The following WDR3 variants were observed in gnomAD, a reference collection of about 807,000 sequenced individuals.
WDR3 encodes the protein WD repeat domain 3, also known as WD repeat-containing protein 3.
In WDR3, 81 loss-of-function variants were observed where a neutral mutation model predicts 123.7. The ratio of observed to expected loss-of-function variants is 0.65; its 90% CI spans 0.55 to 0.79. The LOEUF is 0.79. Ranked by LOEUF, WDR3 falls within the 30% of genes least tolerant of loss-of-function variation. The probability of loss-of-function intolerance (pLI) is 0.00; values close to 1 mark genes in which losing one functional copy is unlikely to be tolerated. For synonymous variants in WDR3, 390 were observed against 388.8 expected (o/e 1.00, Z -0.04); for missense variants, 1,027 against 1,123.2 (o/e 0.91, Z 1.22).
Position 117,959,546 on chromosome 1 carries a change from A to C in WDR3, c.*99A>C. On this transcript the variant is annotated 3_prime_UTR_variant, in exon 27 of 27. Coordinates refer to ENST00000349139, the MANE Select transcript of WDR3 (RefSeq NM_006784.3). ...GGCGTCATCTTAAAAATACCAAATAACAGAAGATCGCATTGCAGATGATAT... is the reference window on the plus strand; with the variant it reads ...GGCGTCATCTTAAAAATACCAAATACCAGAAGATCGCATTGCAGATGATAT... 1.6e-6 allele frequency: 2 copies of C among 1,274,870 alleles called. No homozygotes were observed. The highest frequency in any genetic ancestry group is 2.1e-6 in the Non-Finnish European group (2 of 956,930). 79.0% of individuals were successfully genotyped at this position (1,274,870 alleles called of 1,614,324 possible).
chr1:117,958,767 C>CTTTT (rs3215666), intron 25 of WDR3, 143 bp from the exon 26 acceptor site: 4 of 361,006 alleles, frequency 1.1e-5, no homozygotes, highest in Non-Finnish European at 1.4e-5. Flanking sequence ...ACTTCTTTGG[C>CTTTT]TTTTTTTTTT....
In WDR3 at chr1:117,961,266, A is replaced by C. The variant is rs1653060512; in HGVS notation, c.*1819A>C. ...CCACCAGCATTCCAGCCTGGGCAAC[A>C]CAGTGAGACTCCATCTCCAAAATAA... On this transcript the variant is annotated 3_prime_UTR_variant, in exon 27 of 27. Transcript: ENST00000349139. 1 of 152,210 alleles carries C rather than the reference A, an allele frequency of 6.6e-6. No homozygotes were observed. The highest frequency in any genetic ancestry group is 2.4e-5 in the African/African-American group (1 of 41,450). 9.4% of individuals were successfully genotyped at this position (152,210 alleles called of 1,614,324 possible).
At chr1:117,953,662 A>G in intron 21 of WDR3, 121 bp downstream of exon 21, 1 of 888,272 alleles carries the variant, frequency 1.1e-6, no homozygotes, top group Non-Finnish European at 1.7e-6. Context: ...AGATTTAAAG[A>G]TGGGGATTAT....
At chr1:117,943,691 C>T (rs767499537) in intron 11 of WDR3, 65 bp downstream of exon 11, 35 of 1,446,284 alleles carry the variant, frequency 2.4e-5, no homozygotes, top group Non-Finnish European at 3.2e-5. Flanking sequence ...TTTTGGTACT[C>T]TTAAGGGTTA....
At position 117,950,104 on chromosome 1, in the gene WDR3, A is replaced by G; in HGVS notation, c.1720A>G (p.Lys574Glu). 6.2e-7 allele frequency: 1 copy of G among 1,613,848 alleles called. No individual in the cohort carries two copies. Residue 574 changes from lysine to glutamate, a missense_variant, in exon 15 of 27, where the codon AAA becomes GAA. Lys to Glu is a moderately conservative substitution (Grantham distance 56). Transcript: ENST00000349139. ...TGTGTCTTTGCTGGACTGTACTGTG[A>G]AAATTTTCTACGTTGATACTTTAAA... ...LAVSLLDCTV[K>E]IFYVDTLKFF...
chr1:117,943,053 A>G (rs1418251001), intron 10 of WDR3, among the ~76,000 whole-genome samples: 1 of 151,928 alleles, frequency 6.6e-6, no homozygotes, highest in African/African-American at 2.4e-5. Context: ...CTCAGGTTCA[A>G]GCGATTCTCC....
At chr1:117,953,606 T>A in intron 21 of WDR3, 65 bp downstream of exon 21, 1 of 1,547,410 alleles carries the variant, frequency 6.5e-7, no homozygotes, top group Non-Finnish European at 8.8e-7. Flanking sequence ...GTAAAAGTTT[T>A]ATTCTGTATC....
chr1:117,950,771 A>C, intron 15 of WDR3, 63 bp from the exon 16 acceptor site: 1 of 1,336,112 alleles, frequency 7.5e-7, no homozygotes. Context: ...TTTTAGACCT[A>C]CATGTAATAA....
intron 26 of WDR3, 59 bp downstream of exon 26, chr1:117,959,062 T>C: frequency 6.6e-7 from 1 of 1,518,536 alleles, no homozygotes; most frequent in Non-Finnish European, 9.1e-7. Flanking sequence ...GATTTAGAAA[T>C]AGTATAGTAT....
At chr1:117,956,909 A>G (rs765384664) in intron 24 of WDR3, among the ~76,000 whole-genome samples, 159 bp from the exon 25 acceptor site, 2 of 152,208 alleles carry the variant, frequency 1.3e-5, no homozygotes, top group African/African-American at 2.4e-5. Flanking sequence ...ACAAAAAACA[A>G]AGAGAGTCAT....
At chr1:117,944,736 C>G (rs189054230) in intron 11 of WDR3, among the ~76,000 whole-genome samples, 3 of 152,268 alleles carry the variant, frequency 2.0e-5, no homozygotes, top group Admixed American at 2.0e-4. Context: ...GAGGCTCGCT[C>G]TGTCGCCCAG....
At position 117,964,041 on chromosome 1, in the gene WDR3, A is replaced by C; in HGVS notation, c.*4594A>C. 2 of 1,357,202 alleles carry C rather than the reference A, an allele frequency of 1.5e-6. No individual in the cohort carries two copies. 84.1% of individuals were successfully genotyped at this position (1,357,202 alleles called of 1,614,324 possible). ...ATAGAATTTCTTCTCTGGCAACATC[A>C]GTTCAATTTTAGGTAACTGTCTATC... is the stretch of plus-strand genomic sequence containing the variant. On this transcript the variant is annotated 3_prime_UTR_variant, in exon 27 of 27. Transcript: ENST00000349139.
rs1255277338 is a variant in WDR3, at chr1:117,939,589, A to G, written c.675+17A>G. On this transcript the variant is annotated intron_variant, in intron 6 of 26. Transcript: ENST00000349139. Reference sequence around the variant, plus strand: ...CTGCAAGAGGTAATTACTTCTTAAAATCATGGGCAATATGTTTAGAAGTTT... The same window carrying G: ...CTGCAAGAGGTAATTACTTCTTAAAGTCATGGGCAATATGTTTAGAAGTTT... 1 of 1,609,652 alleles carries G rather than the reference A, an allele frequency of 6.2e-7. No homozygotes were observed. Among genetic ancestry groups the G allele is most frequent in the Non-Finnish European group, 8.5e-7 (1 of 1,176,172 alleles).
chr1:117,946,075 C>T lies in WDR3; in HGVS notation c.1329-11C>T. 6.3e-7 allele frequency: 1 copy of T among 1,584,300 alleles called. No homozygotes were observed. Among genetic ancestry groups the T allele is most frequent in the Admixed American group, 1.8e-5 (1 of 55,648 alleles). ...TCTTAACATGAGTTCTTTATTTTTTCTTTCTCATAGGTCTACACTGCAGTG... is the reference window on the plus strand; with the variant it reads ...TCTTAACATGAGTTCTTTATTTTTTTTTTCTCATAGGTCTACACTGCAGTG... On this transcript the variant is annotated splice_polypyrimidine_tract_variant and intron_variant, in intron 11 of 26. Coordinates refer to ENST00000349139, the MANE Select transcript of WDR3 (RefSeq NM_006784.3).
Position 117,964,216 on chromosome 1 carries a change from T to A in WDR3, c.*4769T>A. On this transcript the variant is annotated 3_prime_UTR_variant, in exon 27 of 27. Transcript: ENST00000349139. ...ATCAGTATGGTCAAGCCCCAAACCA[T>A]ATCTACATCAGATTTCATGCTTTTT... The A allele has an allele frequency of 4.3e-6, 1 of 234,368 alleles. No individual in the cohort carries two copies. The highest frequency in any genetic ancestry group is 8.3e-6 in the Non-Finnish European group (1 of 120,182). 14.5% of individuals were successfully genotyped at this position (234,368 alleles called of 1,614,324 possible). A position where few individuals can be genotyped will look rare whatever the true frequency, so the allele number is the denominator to read the frequency against.
At chr1:117,955,448 T>C (rs1398656353) in intron 24 of WDR3, 90 bp downstream of exon 24, 3 of 1,231,016 alleles carry the variant, frequency 2.4e-6, no homozygotes, top group African/African-American at 1.5e-5. Flanking sequence ...GAAATTATAA[T>C]TGATGGTTAT....
In WDR3 at chr1:117,940,858, A is replaced by T; in HGVS notation, c.707A>T (p.Lys236Ile). 1 of 1,613,736 alleles carries T rather than the reference A, an allele frequency of 6.2e-7. No homozygotes were observed. Among genetic ancestry groups the T allele is most frequent in the Non-Finnish European group, 8.5e-7 (1 of 1,179,926 alleles). ...GACCCGGAAGAACCAGACCCCAAGA[A>T]AATCAAAGGATCTTCTCCTGGAATA... ...IEDPEEPDPKKIKGSSPGIQD... is the reference protein window; with the variant it reads ...IEDPEEPDPKIIKGSSPGIQD... Residue 236 changes from lysine to isoleucine, a missense_variant, in exon 7 of 27, where the codon AAA becomes ATA. Coordinates refer to ENST00000349139, the MANE Select transcript of WDR3 (RefSeq NM_006784.3).
chr1:117,953,734 G>C lies in WDR3; in HGVS notation c.2268+193G>C, dbSNP rs1651763102. Reference sequence around the variant, plus strand: ...AGTCCTGAATCTCTTTGATCAATATGTGCTCCTTTCAGGTGTTCCTGGGAC... The same window carrying C: ...AGTCCTGAATCTCTTTGATCAATATCTGCTCCTTTCAGGTGTTCCTGGGAC... On this transcript the variant is annotated intron_variant, in intron 21 of 26. Coordinates refer to ENST00000349139, the MANE Select transcript of WDR3 (RefSeq NM_006784.3). 1.1e-5 allele frequency: 7 copies of C among 630,404 alleles called. No individual in the cohort carries two copies. The Admixed American group carries it at 2.1e-4, about 19-fold the overall frequency. The allele number at this position is 630,404 out of a possible 1,614,324, so 39.1% of individuals were successfully genotyped here.
rs1650852129 is a variant in WDR3 at position 117,934,600 on chromosome 1, A to G, written c.299A>G (p.Asn100Ser). ...RIFSLLSGEGNVTFNGHKAAI... is the reference protein window; with the variant it reads ...RIFSLLSGEGSVTFNGHKAAI... ...TTCAGTCTCCTGAGTGGGGAAGGAA[A>G]TGTGACCTTCAATGGTCACAAAGCA... is the stretch of plus-strand genomic sequence containing the variant. The change falls in exon 3 of 27, where the codon AAT (asparagine) becomes AGT (serine). Residue 100 changes from asparagine (N) to serine (S), a missense_variant. By Grantham distance (46) the Asn-to-Ser change is conservative. Transcript: ENST00000349139. 1.2e-6 allele frequency: 2 copies of G among 1,614,146 alleles called. No individual in the cohort carries two copies. The highest frequency in any genetic ancestry group is 1.7e-6 in the Non-Finnish European group (2 of 1,180,016).
Sources: allele counts gnomAD v4.1 joint callset (sites outside exome capture counted in the v4.1 genomes callset), GRCh38; gene constraint gnomAD v4.1.1; transcripts MANE v1.5; gene names NCBI Gene and HGNC (gene_info 2026-07-23, HGNC 2026-07-21).